Variants in VAPB observed in about 807,000 individuals in gnomAD.
The protein encoded by VAPB is VAMP associated protein B and C, also known as vesicle-associated membrane protein-associated protein B/C.
A neutral mutation model predicts 25.6 loss-of-function variants in VAPB; 7 were observed. The observed-to-expected ratio is 0.27, with a 90% CI of 0.16 to 0.51. The LOEUF is 0.51. Ranked by LOEUF, VAPB falls within the 20% of genes least tolerant of loss-of-function variation. The pLI is 0.97. For synonymous variants in VAPB, 112 were observed against 109.2 expected (o/e 1.03, Z -0.16); for missense variants, 266 against 301.3 (o/e 0.88, Z 0.87).
At chr20:58,404,824 C>T (rs1254275036) in intron 1 of VAPB, among the ~76,000 whole-genome samples, 1 of 151,956 alleles carries the variant, frequency 6.6e-6, no homozygotes, top group Non-Finnish European at 1.5e-5. Flanking sequence ...TCTGTGTATT[C>T]TGGGTGGGAG....
At chr20:58,434,402 T>C (rs1988993771) in intron 2 of VAPB, among the ~76,000 whole-genome samples, 200 bp from the exon 3 acceptor site, 1 of 152,164 alleles carries the variant, frequency 6.6e-6, no homozygotes, top group East Asian at 1.9e-4. Context: ...AGCTCTGTCA[T>C]GCGTGATTTT....
intron 1 of VAPB, among the ~76,000 whole-genome samples, chr20:58,416,035 G>A (rs1426299683): frequency 1.3e-5 from 2 of 152,084 alleles, no homozygotes; most frequent in Non-Finnish European, 2.9e-5. Context: ...TTGTTTCATT[G>A]CATATATTTT....
chr20:58,402,551 G>C (rs961797494), intron 1 of VAPB, among the ~76,000 whole-genome samples: 1 of 144,796 alleles, frequency 6.9e-6, no homozygotes, highest in Admixed American at 6.8e-5. Context: ...TAGTCAGCAA[G>C]CCCCCCCACC....
At chr20:58,438,903 CA>C in intron 3 of VAPB, 41 bp from the exon 4 acceptor site, 1 of 1,521,982 alleles carries the variant, frequency 6.6e-7, no homozygotes, top group Non-Finnish European at 9.1e-7. Context: ...ATTCTTCCAG[CA>C]GGTTTATAAT....
chr20:58,432,620 G>T lies in VAPB; in HGVS notation c.212-1982G>T, dbSNP rs74966770. Reference sequence around the variant, plus strand: ...ACAGTGAATCCCAGCTCCAAAGAAGGTTGACAGTCCCTGTCCAGGAAGGTT... The same window carrying T: ...ACAGTGAATCCCAGCTCCAAAGAAGTTTGACAGTCCCTGTCCAGGAAGGTT... On this transcript the variant is annotated intron_variant, in intron 2 of 5. Coordinates refer to ENST00000475243, the MANE Select transcript of VAPB (RefSeq NM_004738.5). Among the ~76,000 whole-genome samples, 694 of 152,292 alleles carry T rather than the reference G, an allele frequency of 4.6e-3. 1 individual carries two copies. Among genetic ancestry groups the T allele is most frequent in the Non-Finnish European group, 6.6e-3 (449 of 68,020 alleles).
chr20:58,431,989 T>A (rs1988938631), intron 2 of VAPB, among the ~76,000 whole-genome samples: 3 of 152,172 alleles, frequency 2.0e-5, no homozygotes. Context: ...TAAAGATTCT[T>A]TTCCTTTCTT....
intron 1 of VAPB, among the ~76,000 whole-genome samples, chr20:58,408,281 AAT>A (rs1988282149): frequency 6.6e-6 from 1 of 152,202 alleles, no homozygotes; most frequent in African/African-American, 2.4e-5. Flanking sequence ...ATACTTTATT[AAT>A]TTAAAACACT....
intron 2 of VAPB, among the ~76,000 whole-genome samples, chr20:58,421,335 G>C (rs1178389806): frequency 1.3e-5 from 2 of 152,208 alleles, no homozygotes; most frequent in East Asian, 3.8e-4. Flanking sequence ...GCTAGTTTTT[G>C]AAGAAGGTGG....
At position 58,437,977 on chromosome 20, in the gene VAPB, G is replaced by A. The variant is rs957493326; in HGVS notation, c.316-968G>A. On this transcript the variant is annotated intron_variant, in intron 3 of 5. Coordinates refer to ENST00000475243, the MANE Select transcript of VAPB (RefSeq NM_004738.5). ...ATATCATAACCTTGCTGCTATCCTGGTCTGTAATCCTAGAATACCCTGGAA... is the reference window on the plus strand; with the variant it reads ...ATATCATAACCTTGCTGCTATCCTGATCTGTAATCCTAGAATACCCTGGAA... 2.6e-5 allele frequency among the ~76,000 whole-genome samples: 4 copies of A among 152,244 alleles called. No individual in the cohort carries two copies. In the South Asian group the frequency reaches 6.2e-4, roughly 24 times the overall value.
chr20:58,402,169 T>C (rs567141447), intron 1 of VAPB, among the ~76,000 whole-genome samples: 22 of 152,234 alleles, frequency 1.4e-4, no homozygotes, highest in Non-Finnish European at 2.8e-4. Flanking sequence ...TGGAAAATTA[T>C]CGATACTTGT....
At position 58,447,047 on chromosome 20, in the gene VAPB, A is replaced by G. The variant is rs1308542699; in HGVS notation, c.*2812A>G. On this transcript the variant is annotated 3_prime_UTR_variant, in exon 6 of 6. Coordinates refer to ENST00000475243, the MANE Select transcript of VAPB (RefSeq NM_004738.5). ...GAGCCTAGGGAGGATGCCGCTGGGC[A>G]GTGTGCATGGGGGAGCTGCTGCCAG... The G allele has an allele frequency of 2.2e-6, 1 of 454,062 alleles. No individual in the cohort carries two copies. 28.1% of individuals were successfully genotyped at this position (454,062 alleles called of 1,614,324 possible).
rs1410589275 is a variant in VAPB, at chr20:58,418,337, A to T, written c.185A>T (p.Asp62Val). The T allele has an allele frequency of 6.2e-7, 1 of 1,614,188 alleles. No individual in the cohort carries two copies. Among genetic ancestry groups the T allele is most frequent in the East Asian group, 2.2e-5 (1 of 44,886 alleles). Residue 62 changes from aspartate (D) to valine (V), a missense_variant, in exon 2 of 6, where the codon GAT becomes GTT. Around this residue, in one of 3 missense-constraint regions of VAPB, gnomAD observed 98 missense variants for 147.1 expected, o/e 0.67. Coordinates refer to ENST00000475243, the MANE Select transcript of VAPB (RefSeq NM_004738.5). ...GTGAGGCCCAACAGCGGAATCATCG[A>T]TGCAGGGGCCTCAATTAATGTATCT... Reference protein sequence around the residue: ...YCVRPNSGIIDAGASINVSVM... With the variant: ...YCVRPNSGIIVAGASINVSVM...
At chr20:58,429,795 T>C (rs115993322) in intron 2 of VAPB, among the ~76,000 whole-genome samples, 6 of 152,332 alleles carry the variant, frequency 3.9e-5, no homozygotes, top group Admixed American at 1.3e-4. Flanking sequence ...CAGTGTGTTA[T>C]TACTTGGCCG....
In VAPB at chr20:58,448,843, A is replaced by G. The variant is rs959299445; in HGVS notation, c.*4608A>G. On this transcript the variant is annotated 3_prime_UTR_variant, in exon 6 of 6. Transcript: ENST00000475243. ...AGATCTCTGCTGATGCTCCTGGAGAATGACTTTGGGGGCTTTAGAAAGAAT... is the reference window on the plus strand; with the variant it reads ...AGATCTCTGCTGATGCTCCTGGAGAGTGACTTTGGGGGCTTTAGAAAGAAT... 4.4e-6 allele frequency: 2 copies of G among 454,002 alleles called. No homozygotes were observed. The highest frequency in any genetic ancestry group is 4.0e-5 in the African/African-American group (2 of 49,994). 28.1% of individuals were successfully genotyped at this position (454,002 alleles called of 1,614,324 possible).
chr20:58,397,639 A>T (rs1987996266), intron 1 of VAPB, among the ~76,000 whole-genome samples: 1 of 152,162 alleles, frequency 6.6e-6, no homozygotes. Context: ...GCAGGTTTGT[A>T]GAGTGGGAAT....
At chr20:58,405,742 CTT>C (rs71181964) in intron 1 of VAPB, among the ~76,000 whole-genome samples, 53 of 43,462 alleles carry the variant, frequency 1.2e-3, no homozygotes, top group Admixed American at 4.1e-3. Flanking sequence ...GGCCAGGAGC[CTT>C]TTTTTTTTTT....
At chr20:58,437,397 A>G (rs981234356) in intron 3 of VAPB, among the ~76,000 whole-genome samples, 1 of 152,112 alleles carries the variant, frequency 6.6e-6, no homozygotes, top group Admixed American at 6.6e-5. Flanking sequence ...AGAATATTCC[A>G]TAGTTGGTAT....
chr20:58,413,758 G>A (rs377313182), intron 1 of VAPB, among the ~76,000 whole-genome samples: 3 of 151,120 alleles, frequency 2.0e-5, no homozygotes, highest in Admixed American at 6.6e-5. Context: ...GGGTGGGGCC[G>A]CTGGCCGGGC....
chr20:58,434,059 C>A (rs1030482569), intron 2 of VAPB, among the ~76,000 whole-genome samples: 1 of 152,100 alleles, frequency 6.6e-6, no homozygotes, highest in African/African-American at 2.4e-5. Flanking sequence ...AAGCTGATAC[C>A]GTTTTCCCTG....
Sources: allele counts gnomAD v4.1 joint callset (sites outside exome capture counted in the v4.1 genomes callset), GRCh38; gene constraint gnomAD v4.1.1; regional missense constraint gnomAD v4.1.1; transcripts MANE v1.5; gene names NCBI Gene and HGNC (gene_info 2026-07-23, HGNC 2026-07-21).